Variants in NEGR1 observed in about 807,000 individuals in gnomAD.
NEGR1 encodes the protein IgLON family member 4.
Under a neutral mutation model 40.9 loss-of-function variants are expected in NEGR1, and 10 were observed. The observed-to-expected ratio is 0.24, with a 90% CI of 0.15 to 0.42. The LOEUF (loss-of-function observed/expected upper bound fraction) is 0.42. Ranked by LOEUF, NEGR1 falls within the 10% of genes least tolerant of loss-of-function variation. NEGR1 has a pLI of 1.00. For missense variants in NEGR1, 352 were observed against 438.9 expected (o/e 0.80, Z 1.77); for synonymous variants, 185 against 166.8 (o/e 1.11, Z -0.84).
At chr1:72,079,330 G>C (rs1647888451) in intron 1 of NEGR1, among the ~76,000 whole-genome samples, 1 of 151,716 alleles carries the variant, frequency 6.6e-6, no homozygotes, top group Non-Finnish European at 1.5e-5. Context: ...CTTTATTACA[G>C]AAAATCTCAC....
intron 6 of NEGR1, among the ~76,000 whole-genome samples, chr1:71,420,373 C>T (rs1055404778): frequency 1.3e-5 from 2 of 151,936 alleles, no homozygotes; most frequent in African/African-American, 4.8e-5. Flanking sequence ...CACCAGTAAT[C>T]ACATTATTTA....
intron 2 of NEGR1, among the ~76,000 whole-genome samples, chr1:71,908,125 A>C (rs1027915373): frequency 6.6e-6 from 1 of 151,942 alleles, no homozygotes; most frequent in African/African-American, 2.4e-5. Flanking sequence ...CCTTATTACA[A>C]GTCTGCACAT....
chr1:71,970,405 T>C (rs1395287475), intron 1 of NEGR1, among the ~76,000 whole-genome samples: 1 of 152,074 alleles, frequency 6.6e-6, no homozygotes, highest in African/African-American at 2.4e-5. Flanking sequence ...AGTCACTCAA[T>C]TAAGGGCGGG....
chr1:71,615,308 C>G (rs1650413815), intron 4 of NEGR1, among the ~76,000 whole-genome samples: 1 of 151,840 alleles, frequency 6.6e-6, no homozygotes, highest in South Asian at 2.1e-4. Flanking sequence ...ATATTCCTGG[C>G]CTCATAGAGC....
intron 2 of NEGR1, among the ~76,000 whole-genome samples, chr1:71,778,348 G>T (rs1179052014): frequency 2.0e-5 from 3 of 151,996 alleles, no homozygotes; most frequent in African/African-American, 7.2e-5. Flanking sequence ...TATAGTATTT[G>T]ATAATCTACA....
intron 1 of NEGR1, among the ~76,000 whole-genome samples, chr1:72,276,970 G>A (rs1289771340): frequency 6.6e-6 from 1 of 152,106 alleles, no homozygotes; most frequent in Non-Finnish European, 1.5e-5. Flanking sequence ...AAGGAATAAA[G>A]GGATAAAGCA....
At chr1:71,417,147 A>G (rs1481413111) in intron 6 of NEGR1, among the ~76,000 whole-genome samples, 2 of 152,200 alleles carry the variant, frequency 1.3e-5, no homozygotes, top group African/African-American at 4.8e-5. Flanking sequence ...GCTTTTGCCT[A>G]TACTTCATCT....
At chr1:71,908,370 C>T (rs997989477) in intron 2 of NEGR1, among the ~76,000 whole-genome samples, 2 of 152,084 alleles carry the variant, frequency 1.3e-5, no homozygotes, top group Non-Finnish European at 2.9e-5. Flanking sequence ...ATGGCAATGT[C>T]TGAATACAAA....
intron 1 of NEGR1, among the ~76,000 whole-genome samples, chr1:72,279,106 G>T (rs1036289660): frequency 6.6e-6 from 1 of 151,936 alleles, no homozygotes; most frequent in Non-Finnish European, 1.5e-5. Flanking sequence ...AAGTTAAAAT[G>T]ATAAAAATAT....
chr1:71,864,823 T>C (rs1285357868), intron 2 of NEGR1, among the ~76,000 whole-genome samples: 1 of 152,174 alleles, frequency 6.6e-6, no homozygotes, highest in Non-Finnish European at 1.5e-5. Flanking sequence ...AGGACATAAA[T>C]ATTATTATTC....
chr1:71,718,582 C>T (rs1654352259), intron 3 of NEGR1, among the ~76,000 whole-genome samples: 1 of 152,038 alleles, frequency 6.6e-6, no homozygotes, highest in African/African-American at 2.4e-5. Flanking sequence ...GACATATTGC[C>T]TTATTTTATT....
intron 6 of NEGR1, among the ~76,000 whole-genome samples, chr1:71,574,368 T>C (rs951676902): frequency 1.3e-5 from 2 of 152,216 alleles, no homozygotes; most frequent in African/African-American, 2.4e-5. Flanking sequence ...AAGCTAACAT[T>C]AGCTTGTAAG....
intron 1 of NEGR1, among the ~76,000 whole-genome samples, chr1:71,944,535 T>C (rs191353024): frequency 3.9e-5 from 6 of 152,200 alleles, no homozygotes; most frequent in African/African-American, 1.2e-4. Flanking sequence ...AGTATTCTAT[T>C]TGCATATATT....
intron 1 of NEGR1, among the ~76,000 whole-genome samples, chr1:72,046,961 T>C (rs1283509781): frequency 6.6e-6 from 1 of 151,580 alleles, no homozygotes; most frequent in Non-Finnish European, 1.5e-5. Flanking sequence ...TAAACATCCA[T>C]CTTCTTCCAA....
chr1:71,558,015 C>T (rs909909966), intron 6 of NEGR1, among the ~76,000 whole-genome samples: 6 of 151,518 alleles, frequency 4.0e-5, no homozygotes, highest in African/African-American at 1.5e-4. Flanking sequence ...TTAGACTCAA[C>T]TTATGTATTT....
intron 6 of NEGR1, among the ~76,000 whole-genome samples, chr1:71,425,060 C>T (rs1646420283): frequency 6.6e-6 from 1 of 151,802 alleles, no homozygotes; most frequent in African/African-American, 2.4e-5. Flanking sequence ...TTGGGGCATG[C>T]CACATAAACT....
intron 2 of NEGR1, among the ~76,000 whole-genome samples, chr1:71,780,014 C>T (rs569576252): frequency 2.2e-5 from 3 of 136,882 alleles, no homozygotes; most frequent in East Asian, 2.1e-4. Context: ...CAGGGCGCAT[C>T]GTGCTAAGCA....
At chr1:71,427,506 A>G (rs1015602234) in intron 6 of NEGR1, among the ~76,000 whole-genome samples, 10 of 152,250 alleles carry the variant, frequency 6.6e-5, no homozygotes, top group Admixed American at 5.9e-4. Flanking sequence ...AAGGCAGGAA[A>G]TCCTTTACTC....
At chr1:71,543,146 G>A (rs1444614794) in intron 6 of NEGR1, among the ~76,000 whole-genome samples, 3 of 151,560 alleles carry the variant, frequency 2.0e-5, no homozygotes, top group East Asian at 2.0e-4. Flanking sequence ...CAAATGGTAG[G>A]TACTCAGTAA....
Sources: allele counts gnomAD v4.1 joint callset (sites outside exome capture counted in the v4.1 genomes callset), GRCh38; gene constraint gnomAD v4.1.1; transcripts MANE v1.5; gene names NCBI Gene and HGNC (gene_info 2026-07-23, HGNC 2026-07-21).